The following PRDM14 variants were observed in gnomAD, a reference collection of about 807,000 sequenced individuals.
PRDM14 encodes the protein PR/SET domain 14.
A neutral mutation model predicts 48.0 loss-of-function variants in PRDM14; 16 were observed. The observed-to-expected ratio is 0.33, with a 90% CI of 0.23 to 0.51. PRDM14 has a LOEUF of 0.51. PRDM14 is among the 20% of genes least tolerant of loss of function. The pLI is 0.97. For missense variants in PRDM14, 566 were observed against 719.6 expected, an observed-to-expected ratio of 0.79 and a Z score of 2.44; for synonymous variants, 264 against 276.6, an observed-to-expected ratio of 0.95 and a Z score of 0.45.
At position 70,054,283 on chromosome 8, in the gene PRDM14, T is replaced by C. The variant is rs574759293; in HGVS notation, c.1488+1017A>G. Among the ~76,000 whole-genome samples the C allele has an allele frequency of 5.3e-5, 8 of 152,320 alleles. No homozygotes were observed. The East Asian group carries it at 1.5e-3, about 29-fold the overall frequency. The stretch of plus-strand genomic sequence containing the variant: ...CCTTCACAGATTAAAGTAGTAATAA[T>C]AGCAGTTAACATTCCAGTAGTACTT... On this transcript the variant is annotated intron_variant, in intron 7 of 7. Transcript: ENST00000276594.
chr8:70,054,093 G>C (rs1805433232), intron 7 of PRDM14, among the ~76,000 whole-genome samples: 1 of 152,226 alleles, frequency 6.6e-6, no homozygotes, highest in Non-Finnish European at 1.5e-5. Context: ...GGGTAGCATA[G>C]AGCTATTTTG....
At chr8:70,052,561 GT>G (rs1269965493) in intron 7 of PRDM14, among the ~76,000 whole-genome samples, 1 of 152,022 alleles carries the variant, frequency 6.6e-6, no homozygotes, top group African/African-American at 2.4e-5. Flanking sequence ...TGGAGGTCCA[GT>G]TTGTAAAAAA....
chr8:70,063,008 CCA>C (rs57010530), intron 5 of PRDM14, among the ~76,000 whole-genome samples: 9,232 of 152,126 alleles, frequency 0.061, 937 homozygotes, highest in African/African-American at 0.21. Context: ...AAGAGTGGTG[CCA>C]CAGTTAAAAA....
At chr8:70,068,785 C>A (rs1333244506) in intron 2 of PRDM14, among the ~76,000 whole-genome samples, 1 of 152,182 alleles carries the variant, frequency 6.6e-6, no homozygotes, top group African/African-American at 2.4e-5. Context: ...CCCCATTAGG[C>A]AAATTCAAGG....
intron 7 of PRDM14, 95 bp downstream of exon 7, chr8:70,055,205 C>T (rs1000790517): frequency 3.1e-6 from 2 of 650,760 alleles, no homozygotes; most frequent in Non-Finnish European, 5.4e-6. Context: ...TAACATTTAC[C>T]AAGAACTCAT....
intron 6 of PRDM14, among the ~76,000 whole-genome samples, chr8:70,057,718 C>T (rs1805498906): frequency 6.6e-6 from 1 of 152,152 alleles, no homozygotes; most frequent in African/African-American, 2.4e-5. Context: ...ATAGTTTTCA[C>T]TTTTGCCAGT....
chr8:70,068,172 TC>T, intron 4 of PRDM14, 57 bp downstream of exon 4: 1 of 1,599,028 alleles, frequency 6.3e-7, no homozygotes, highest in Non-Finnish European at 8.6e-7. Flanking sequence ...GGCCAAGATT[TC>T]CCCGGACTAG....
chr8:70,067,527 A>C (rs1028964638), intron 4 of PRDM14, among the ~76,000 whole-genome samples: 1 of 145,904 alleles, frequency 6.9e-6, no homozygotes, highest in Admixed American at 6.7e-5. Context: ...CAAGAAAAAA[A>C]AAACAAAAAA....
chr8:70,069,045 C>T, intron 2 of PRDM14, 116 bp downstream of exon 2: 1 of 795,276 alleles, frequency 1.3e-6, no homozygotes, highest in South Asian at 2.5e-5. Flanking sequence ...GAGGTACTTC[C>T]CCCTTCCCGC....
chr8:70,070,135 T>G (rs1426846395), intron 1 of PRDM14, among the ~76,000 whole-genome samples: 1 of 152,164 alleles, frequency 6.6e-6, no homozygotes, highest in East Asian at 1.9e-4. Flanking sequence ...TCCGGGTTAG[T>G]GTTGCCTTCC....
chr8:70,052,159 C>G lies in PRDM14; in HGVS notation c.1634G>C (p.Gly545Ala), dbSNP rs1212518081. ...TTTCCCACAGATGCTGCATGAGCAG[C>G]CATCATCCTCCTTGTGTGAACGCCG... ...HVRRSHKEDD[G>A]CSCSICGKIF... The change falls in exon 8 of 8, where the codon GGC (glycine) becomes GCC (alanine). Residue 545 changes from glycine (G) to alanine (A), a missense_variant. Gly to Ala is a moderately conservative substitution (Grantham distance 60, BLOSUM62 0). Around this residue, in one of 3 missense-constraint regions of PRDM14, gnomAD observed 126 missense variants for 271.6 expected, o/e 0.46. Transcript: ENST00000276594. The G allele has an allele frequency of 6.2e-7, 1 of 1,613,358 alleles. No homozygotes were observed. Among genetic ancestry groups the G allele is most frequent in the African/African-American group, 1.3e-5 (1 of 74,920 alleles).
At chr8:70,070,946 A>G (rs1276180684) in intron 1 of PRDM14, among the ~76,000 whole-genome samples, 1 of 152,186 alleles carries the variant, frequency 6.6e-6, no homozygotes, top group African/African-American at 2.4e-5. Context: ...CGACACAGGC[A>G]GCGGCCCGTC....
At position 70,069,825 on chromosome 8, in the gene PRDM14, C is replaced by T; in HGVS notation, c.36G>A (p.Gln12=). The stretch of plus-strand genomic sequence containing the variant: ...TCTCCGGCGGGTAGCACACCTTGTC[C>T]TGAGGCACGGCCTCACTTGGCCGGG... ...ALPRPSEAVP[Q]DKVCYPPESS... is the part of the protein sequence containing the mutation. Residue 12 remains glutamine, a synonymous_variant, in exon 2 of 8, where the codon CAG becomes CAA. Coordinates refer to ENST00000276594, the MANE Select transcript of PRDM14 (RefSeq NM_024504.4). The T allele has an allele frequency of 1.2e-6, 2 of 1,608,064 alleles. No individual in the cohort carries two copies. The highest frequency in any genetic ancestry group is 8.5e-7 in the Non-Finnish European group (1 of 1,177,856).
At chr8:70,070,244 G>A (rs1805743866) in intron 1 of PRDM14, among the ~76,000 whole-genome samples, 2 of 152,140 alleles carry the variant, frequency 1.3e-5, no homozygotes, top group African/African-American at 2.4e-5. Context: ...ACCCATTGAA[G>A]TTCCCTTTCC....
At chr8:70,058,918 T>TATTTA (rs1300885514) in intron 5 of PRDM14, 76 bp from the exon 6 acceptor site, 1 of 1,226,082 alleles carries the variant, frequency 8.2e-7, no homozygotes, top group Admixed American at 2.5e-5. Flanking sequence ...TTTATTTATT[T>TATTTA]ATTTATTTTT....
In PRDM14 at chr8:70,058,983, C is replaced by T. The variant is rs901469790; in HGVS notation, c.1184-141G>A. 7 of 689,642 alleles carry T rather than the reference C, an allele frequency of 1.0e-5. No homozygotes were observed. The African/African-American group carries it at 1.3e-4, about 13-fold the overall frequency. 42.7% of individuals were successfully genotyped at this position (689,642 alleles called of 1,614,324 possible). A position where few individuals can be genotyped will look rare whatever the true frequency, so the allele number is the denominator to read the frequency against. On this transcript the variant is annotated intron_variant, in intron 5 of 7. Coordinates refer to ENST00000276594, the MANE Select transcript of PRDM14 (RefSeq NM_024504.4). ...GAATTTTCTTTTTTTGAGACAGAATCTTGCTGTATTGCCCAGTCTGTAGTG... is the reference window on the plus strand; with the variant it reads ...GAATTTTCTTTTTTTGAGACAGAATTTTGCTGTATTGCCCAGTCTGTAGTG...
Position 70,067,851 on chromosome 8 carries a change from T to C in PRDM14, c.912+379A>G, listed in dbSNP as rs541866305. Among the ~76,000 whole-genome samples the C allele has an allele frequency of 1.4e-4, 22 of 152,308 alleles. No homozygotes were observed. The South Asian group carries it at 4.1e-3, about 29-fold the overall frequency. ...TTTTTTTAATCCTTGACTAATTTTA[T>C]AGGTGAATAATATTGAATTTTAAAA... On this transcript the variant is annotated intron_variant, in intron 4 of 7. Coordinates refer to ENST00000276594, the MANE Select transcript of PRDM14 (RefSeq NM_024504.4).
chr8:70,067,317 G>A (rs940504718), intron 4 of PRDM14, among the ~76,000 whole-genome samples: 5 of 151,994 alleles, frequency 3.3e-5, no homozygotes, highest in Admixed American at 6.6e-5. Context: ...TCAGGAGTTC[G>A]AGACCAGCCT....
chr8:70,059,951 G>A (rs1351538302), intron 5 of PRDM14, among the ~76,000 whole-genome samples: 1 of 152,006 alleles, frequency 6.6e-6, no homozygotes, highest in Admixed American at 6.5e-5. Flanking sequence ...AAATTAGCCA[G>A]GCGTGGTGGT....
Sources: gnomAD v4.1 joint callset for allele counts (sites outside exome capture counted in the v4.1 genomes callset) on GRCh38, gnomAD v4.1.1 for gene constraint, gnomAD v4.1.1 regional missense constraint, MANE v1.5 for transcripts, NCBI Gene and HGNC (gene_info 2026-07-23, HGNC 2026-07-21) for gene names.